ANK3: variants seen among roughly 807,000 people sequenced by gnomAD.
ANK3 encodes the protein ankyrin 3.
Under a neutral mutation model 370.9 loss-of-function variants are expected in ANK3, and 57 were observed. The observed-to-expected ratio is 0.15, with a 90% CI of 0.12 to 0.19. The LOEUF (loss-of-function observed/expected upper bound fraction) is 0.19, where lower values mean the gene tolerates loss of function less well. Ranked by LOEUF, ANK3 falls within the 10% of genes least tolerant of loss-of-function variation. ANK3 has a pLI of 1.00. For missense variants in ANK3, 4,439 were observed against 5,302.1 expected (o/e 0.84, Z 5.06); for synonymous variants, 1,929 against 1,946.3 (o/e 0.99, Z 0.23).
At chr10:60,618,966 A>G (rs912269471) in intron 1 of ANK3, among the ~76,000 whole-genome samples, 11 of 152,154 alleles carry the variant, frequency 7.2e-5, no homozygotes, top group Non-Finnish European at 8.8e-5. Flanking sequence ...AAAAATGTCC[A>G]GTATTAGAAA....
intron 2 of ANK3, among the ~76,000 whole-genome samples, chr10:60,398,388 G>A (rs922048787): frequency 6.6e-6 from 1 of 152,108 alleles, no homozygotes; most frequent in Non-Finnish European, 1.5e-5. Flanking sequence ...AGGGTGAATG[G>A]ACAGCATGGT....
At chr10:60,391,829 C>CA (rs2063118389), upstream of ANK3, among the ~76,000 whole-genome samples, 2 of 152,294 alleles carry the variant, frequency 1.3e-5, no homozygotes, top group South Asian at 4.1e-4. Context: ...TTGCTTCCCC[C>CA]AAATGTTCAG....
At chr10:60,422,280 T>G (rs1476500814) in intron 2 of ANK3, among the ~76,000 whole-genome samples, 1 of 152,128 alleles carries the variant, frequency 6.6e-6, no homozygotes, top group Non-Finnish European at 1.5e-5. Flanking sequence ...CATTCTTCCA[T>G]TAACTTATTC....
In ANK3 at chr10:60,341,290, T is replaced by C. The variant is rs866344246; in HGVS notation, c.114+48135A>G. ...AATCTGTTCTTCTGGTGATTAGTCA[T>C]GCTCTACTTTATAAGAGCTCATGTA... On this transcript the variant is annotated intron_variant, in intron 1 of 43. Coordinates refer to ENST00000280772, the MANE Select transcript of ANK3 (RefSeq NM_020987.5). Among the ~76,000 whole-genome samples, 14 of 152,338 alleles carry C rather than the reference T, an allele frequency of 9.2e-5. No individual in the cohort carries two copies. The South Asian group carries it at 1.0e-3, about 11-fold the overall frequency.
chr10:60,241,211 G>A (rs1263310018), intron 7 of ANK3, among the ~76,000 whole-genome samples: 1 of 152,066 alleles, frequency 6.6e-6, no homozygotes, highest in Non-Finnish European at 1.5e-5. Context: ...ATTAAGTATG[G>A]CTAGAATTAA....
rs765405058 is a variant in ANK3 at position 60,071,841 on chromosome 10, C to T, written c.9040G>A (p.Asp3014Asn). The change falls in exon 37 of 44, where the codon GAT becomes AAT. Residue 3014 changes from aspartate (D) to asparagine (N), a missense_variant. This residue lies in a region of ANK3 where 1,601 missense variants were observed against 1,731.7 expected (regional missense o/e 0.92). Coordinates refer to ENST00000280772, the MANE Select transcript of ANK3 (RefSeq NM_020987.5). ...VETQHFNSIE[D>N]EKVTYSEISK... Reference sequence around the variant, plus strand: ...ATTTCTGAATAGGTAACTTTTTCATCTTCTATAGAATTAAAGTGCTGTGTC... The same window carrying T: ...ATTTCTGAATAGGTAACTTTTTCATTTTCTATAGAATTAAAGTGCTGTGTC... 1.2e-6 allele frequency: 2 copies of T among 1,613,074 alleles called. No individual in the cohort carries two copies. Among genetic ancestry groups the T allele is most frequent in the African/African-American group, 2.7e-5 (2 of 74,844 alleles).
At position 60,138,975 on chromosome 10, in the gene ANK3, C is replaced by A. The variant is rs76540767; in HGVS notation, c.2727G>T (p.Ala909=). ...AEGYMGFSLG[A]RSASLRSFSS... ...CAACAACGAAGTACCTGGCAGAACG[C>A]GCTCCGAGACTAAAGCCCATGTAAC... The change falls in exon 24 of 44, where the codon GCG becomes GCT. Residue 909 remains alanine (A), a synonymous_variant. Coordinates refer to ENST00000280772, the MANE Select transcript of ANK3 (RefSeq NM_020987.5). 1.2e-6 allele frequency: 2 copies of A among 1,613,686 alleles called. No individual in the cohort carries two copies. The highest frequency in any genetic ancestry group is 2.2e-5 in the South Asian group (2 of 91,046).
chr10:60,042,130 A>G (rs1173930859), intron 43 of ANK3, among the ~76,000 whole-genome samples: 5 of 152,216 alleles, frequency 3.3e-5, no homozygotes, highest in African/African-American at 9.7e-5. Flanking sequence ...TAAACATTTA[A>G]CTTAAAAAAC....
chr10:60,270,124 A>C lies in ANK3; in HGVS notation c.513+7T>G, dbSNP rs1303787769. ...AACTCACCCACAGGAAAAAAACAGT[A>C]TCTTACCTCTGTGGCTAGGCTCTGG... On this transcript the variant is annotated splice_region_variant and intron_variant, in intron 5 of 43. Transcript: ENST00000280772. 5.1e-6 allele frequency: 8 copies of C among 1,556,862 alleles called. No homozygotes were observed. Among genetic ancestry groups the C allele is most frequent in the Non-Finnish European group, 7.0e-6 (8 of 1,149,728 alleles).
chr10:60,273,023 C>T (rs1351794501), intron 4 of ANK3, among the ~76,000 whole-genome samples: 1 of 152,248 alleles, frequency 6.6e-6, no homozygotes, highest in East Asian at 1.9e-4. Flanking sequence ...GACTCAGGCA[C>T]TGGGTTTTAA....
At chr10:60,401,513 C>A (rs1178806096) in intron 2 of ANK3, among the ~76,000 whole-genome samples, 1 of 152,064 alleles carries the variant, frequency 6.6e-6, no homozygotes, top group South Asian at 2.1e-4. Context: ...GAAATGAGTA[C>A]CATTAGTATT....
At chr10:60,542,039 AT>A (rs566976328) in intron 2 of ANK3, among the ~76,000 whole-genome samples, 281 of 152,020 alleles carry the variant, frequency 1.8e-3, no homozygotes, top group African/African-American at 6.5e-3. Context: ...TAGTTTGAGA[AT>A]AGGATGCTTG....
At chr10:60,216,721 G>A (rs904967217) in intron 8 of ANK3, among the ~76,000 whole-genome samples, 3 of 152,182 alleles carry the variant, frequency 2.0e-5, no homozygotes, top group African/African-American at 7.2e-5. Flanking sequence ...CTGGTCTGAA[G>A]TTTTCTTTTT....
At chr10:60,298,012 A>T (rs1201005447) in intron 1 of ANK3, among the ~76,000 whole-genome samples, 1 of 152,146 alleles carries the variant, frequency 6.6e-6, no homozygotes, top group Non-Finnish European at 1.5e-5. Context: ...AAATATATAT[A>T]TAACATAGGA....
intron 1 of ANK3, among the ~76,000 whole-genome samples, chr10:60,308,947 C>T (rs2045778702): frequency 6.6e-6 from 1 of 152,166 alleles, no homozygotes; most frequent in South Asian, 2.1e-4. Context: ...TTCCTACTCA[C>T]ATTTCCCTCA....
intron 7 of ANK3, among the ~76,000 whole-genome samples, chr10:60,239,307 G>T (rs186310753): frequency 3.3e-5 from 5 of 151,802 alleles, no homozygotes; most frequent in Admixed American, 2.0e-4. Flanking sequence ...TGCCAAGCAA[G>T]ATAAACAATA....
At chr10:60,560,495 T>C (rs2077309678) in intron 2 of ANK3, among the ~76,000 whole-genome samples, 1 of 152,226 alleles carries the variant, frequency 6.6e-6, no homozygotes, top group African/African-American at 2.4e-5. Flanking sequence ...ACTTTATAAG[T>C]GCCCTGTACA....
chr10:60,400,848 T>C (rs72806149), intron 2 of ANK3, among the ~76,000 whole-genome samples: 16,229 of 152,136 alleles, frequency 0.11, 961 homozygotes, highest in South Asian at 0.14. Context: ...CTATTTTTCT[T>C]AATGCTCTCC....
intron 25 of ANK3, among the ~76,000 whole-genome samples, chr10:60,127,370 G>C (rs1434641000): frequency 6.6e-6 from 1 of 152,226 alleles, no homozygotes; most frequent in East Asian, 1.9e-4. Flanking sequence ...TCAGATCCAG[G>C]CACTGCCACG....
Sources: gnomAD v4.1 joint callset for allele counts (sites outside exome capture counted in the v4.1 genomes callset) on GRCh38, gnomAD v4.1.1 for gene constraint, gnomAD v4.1.1 regional missense constraint, MANE v1.5 for transcripts, NCBI Gene and HGNC (gene_info 2026-07-23, HGNC 2026-07-21) for gene names.